Variants in SPATS2 observed in about 807,000 individuals in gnomAD.
The protein encoded by SPATS2 is spermatogenesis-associated serine-rich protein 2.
Under a neutral mutation model 63.7 loss-of-function variants are expected in SPATS2, and 38 were observed. The observed-to-expected ratio is 0.60, with a 90% CI of 0.46 to 0.78. The LOEUF (loss-of-function observed/expected upper bound fraction) is 0.78, where lower values mean the gene tolerates loss of function less well. SPATS2 is among the 30% of genes least tolerant of loss of function. SPATS2 has a pLI of 0.00. For synonymous variants in SPATS2, 207 were observed against 232.9 expected (o/e 0.89, Z 1.01); for missense variants, 588 against 666.2 (o/e 0.88, Z 1.29).
At chr12:49,438,062 C>CA (rs1420681959) in intron 2 of SPATS2, among the ~76,000 whole-genome samples, 1 of 152,068 alleles carries the variant, frequency 6.6e-6, no homozygotes, top group Non-Finnish European at 1.5e-5. Context: ...CCACCCAGAT[C>CA]AAGATGTAGA....
rs1165238322 is a variant in SPATS2, at chr12:49,413,123, C to T, written c.-244+41833C>T. On this transcript the variant is annotated intron_variant, in intron 2 of 13. Transcript: ENST00000552918. The stretch of plus-strand genomic sequence containing the variant: ...CAACTCCAAACTTAGTGCATAAAAC[C>T]CTCATGGTTTTGGGGGTTGACTGGG... 2.0e-5 allele frequency among the ~76,000 whole-genome samples: 3 copies of T among 151,842 alleles called. No individual in the cohort carries two copies. The East Asian group carries it at 5.8e-4, about 29-fold the overall frequency.
chr12:49,490,553 C>T (rs61375453), intron 5 of SPATS2, 129 bp from the exon 6 acceptor site: 22,914 of 859,054 alleles, frequency 0.027, 727 homozygotes, highest in African/African-American at 0.12. Flanking sequence ...AGACCTGATC[C>T]TTAACTTTAA....
intron 2 of SPATS2, chr12:49,389,727 C>T: frequency 1.3e-5 from 20 of 1,546,424 alleles, no homozygotes; most frequent in Non-Finnish European, 1.8e-5. Flanking sequence ...GGGAATCCAG[C>T]AAGAAAACAG....
chr12:49,478,460 C>G lies in SPATS2; in HGVS notation c.26-6130C>G, dbSNP rs370489445. 4.7e-4 allele frequency among the ~76,000 whole-genome samples: 72 copies of G among 152,252 alleles called. No individual in the cohort carries two copies. In the South Asian group the frequency reaches 0.012, roughly 26 times the overall value. On this transcript the variant is annotated intron_variant, in intron 3 of 13. Transcript: ENST00000552918. ...TGGTGACTTACATGTGGATTATTCT[C>G]AAAGTTGGCATGAGACAAAGCAATT...
rs1348158094 is a variant in SPATS2, at chr12:49,464,626, TTAA to T, written c.25+3590_25+3592del. ...TGGGCAACAAGAGCAAAACTCCATCTTAAAAAAAAAAAAAAAAAAAAGGACTCT... is the reference window on the plus strand; with the variant it reads ...TGGGCAACAAGAGCAAAACTCCATCTAAAAAAAAAAAAAAAAAAGGACTCT... On this transcript the variant is annotated intron_variant, in intron 3 of 13. Coordinates refer to ENST00000552918, the MANE Select transcript of SPATS2 (RefSeq NM_023071.4). 5.2e-4 allele frequency among the ~76,000 whole-genome samples: 63 copies of T among 120,180 alleles called. No individual in the cohort carries two copies. In the South Asian group the frequency reaches 0.013, roughly 25 times the overall value. The allele number at this position is 120,180 out of a possible 152,430, so 78.8% of individuals were successfully genotyped here.
chr12:49,383,154 A>T (rs78295526), intron 2 of SPATS2, among the ~76,000 whole-genome samples: 6,815 of 151,672 alleles, frequency 0.045, 337 homozygotes, highest in African/African-American at 0.12. Flanking sequence ...GCTAGCTGGG[A>T]TTACAGGCGC....
At chr12:49,438,168 A>G (rs1205470898) in intron 2 of SPATS2, among the ~76,000 whole-genome samples, 2 of 151,904 alleles carry the variant, frequency 1.3e-5, no homozygotes, top group African/African-American at 4.8e-5. Context: ...CACTGATATT[A>G]TTTTTGCCTG....
intron 2 of SPATS2, among the ~76,000 whole-genome samples, chr12:49,403,642 A>ACACACACACACACAC (rs1555180281): frequency 3.4e-5 from 4 of 117,992 alleles, no homozygotes; most frequent in African/African-American, 1.3e-4. Context: ...CACACACACA[A>ACACACACACACACAC]ACAAAACTGG....
chr12:49,372,938 TTTTGTGTG>T (rs1225351479), intron 2 of SPATS2, among the ~76,000 whole-genome samples: 1 of 138,888 alleles, frequency 7.2e-6, no homozygotes. Flanking sequence ...TGATTTTCTG[TTTTGTGTG>T]TGTGTGTGTG....
chr12:49,483,347 A>G (rs983889886), intron 3 of SPATS2, among the ~76,000 whole-genome samples: 7 of 151,866 alleles, frequency 4.6e-5, no homozygotes, highest in Non-Finnish European at 1.0e-4. Context: ...TGGCTGATCT[A>G]TAGGAATTCT....
At chr12:49,489,885 C>T (rs934573671) in intron 5 of SPATS2, among the ~76,000 whole-genome samples, 6 of 152,162 alleles carry the variant, frequency 3.9e-5, no homozygotes, top group African/African-American at 1.2e-4. Flanking sequence ...TTAAGAGACT[C>T]TTAATAACAA....
At chr12:49,402,053 C>T (rs985360592) in intron 2 of SPATS2, among the ~76,000 whole-genome samples, 6 of 152,194 alleles carry the variant, frequency 3.9e-5, no homozygotes, top group Admixed American at 2.0e-4. Flanking sequence ...CACGGCTCAT[C>T]GCAGCCTTGA....
intron 2 of SPATS2, 131 bp from the exon 3 acceptor site, chr12:49,460,639 A>G (rs1433777097): frequency 2.7e-5 from 5 of 188,530 alleles, no homozygotes; most frequent in Admixed American, 6.2e-5. Context: ...CAGCAGCTAC[A>G]TTGTTTCTAT....
intron 2 of SPATS2, among the ~76,000 whole-genome samples, chr12:49,400,160 G>T (rs967003071): frequency 1.3e-5 from 2 of 152,108 alleles, no homozygotes; most frequent in Non-Finnish European, 2.9e-5. Flanking sequence ...GACAAAGTAA[G>T]AATATACATG....
chr12:49,379,792 T>G (rs1555177585), intron 2 of SPATS2, among the ~76,000 whole-genome samples: 2 of 151,624 alleles, frequency 1.3e-5, no homozygotes, highest in Non-Finnish European at 2.9e-5. Flanking sequence ...CTGACTAATT[T>G]TTGTATTTTT....
At chr12:49,523,201 G>A (rs144739052) in intron 12 of SPATS2, among the ~76,000 whole-genome samples, 2 of 152,232 alleles carry the variant, frequency 1.3e-5, no homozygotes, top group African/African-American at 2.4e-5. Context: ...CAGGCCACGC[G>A]CCGAGGCTCA....
At chr12:49,434,285 T>A (rs75699297) in intron 2 of SPATS2, among the ~76,000 whole-genome samples, 13,992 of 152,240 alleles carry the variant, frequency 0.092, 747 homozygotes, top group African/African-American at 0.14. Flanking sequence ...GAAGTTTAAA[T>A]ATATACATAA....
At chr12:49,525,902 T>G (rs370240176) in intron 13 of SPATS2, 42 bp from the exon 14 acceptor site, 5 of 1,587,054 alleles carry the variant, frequency 3.2e-6, no homozygotes, top group Non-Finnish European at 4.3e-6. Flanking sequence ...TGGGGTACCA[T>G]AATGCTAGAG....
At chr12:49,377,847 T>C (rs183936006) in intron 2 of SPATS2, among the ~76,000 whole-genome samples, 8 of 152,354 alleles carry the variant, frequency 5.3e-5, no homozygotes, top group Admixed American at 3.3e-4. Context: ...GCTTTGAATC[T>C]ACTCCCCTAC....
Sources: allele counts gnomAD v4.1 joint callset (sites outside exome capture counted in the v4.1 genomes callset), GRCh38; gene constraint gnomAD v4.1.1; transcripts MANE v1.5; gene names NCBI Gene and HGNC (gene_info 2026-07-23, HGNC 2026-07-21).